The following RIMS2 variants were observed in gnomAD, a reference collection of about 807,000 sequenced individuals.
The protein encoded by RIMS2 is regulating synaptic membrane exocytosis protein 2.
In RIMS2, 59 loss-of-function variants were observed where a neutral mutation model predicts 174.4. That is an observed-to-expected ratio of 0.34 (90% CI 0.27 to 0.42). RIMS2 has a LOEUF of 0.42. Among genes scored for constraint, RIMS2 ranks in the 10% least tolerant of loss-of-function variants. The pLI, the probability that RIMS2 is intolerant of heterozygous loss-of-function variation, is 1.00. For missense variants in RIMS2, 1,620 were observed against 1,666.3 expected (o/e 0.97, Z 0.48); for synonymous variants, 606 against 572.5 (o/e 1.06, Z -0.84).
chr8:104,062,947 G>A (rs767350268), intron 19 of RIMS2, among the ~76,000 whole-genome samples: 1 of 151,636 alleles, frequency 6.6e-6, no homozygotes, highest in Non-Finnish European at 1.5e-5. Flanking sequence ...TTTTATATAA[G>A]TAATATACTT....
At chr8:103,986,533 T>C (rs984070743) in intron 16 of RIMS2, among the ~76,000 whole-genome samples, 2 of 152,126 alleles carry the variant, frequency 1.3e-5, no homozygotes, top group African/African-American at 4.8e-5. Context: ...AGAAAAAGAC[T>C]TTAAAAATAG....
intron 16 of RIMS2, among the ~76,000 whole-genome samples, chr8:103,986,663 G>A (rs2094381805): frequency 6.6e-6 from 1 of 152,020 alleles, no homozygotes; most frequent in East Asian, 1.9e-4. Context: ...ATAACAACTA[G>A]TGTTCATGAC....
intron 1 of RIMS2, among the ~76,000 whole-genome samples, chr8:103,587,440 G>GA (rs2094000729): frequency 1.6e-5 from 2 of 123,376 alleles, no homozygotes; most frequent in African/African-American, 3.0e-5. Flanking sequence ...AAGAAAGAAA[G>GA]AAAGAAAGAA....
intron 19 of RIMS2, among the ~76,000 whole-genome samples, chr8:104,239,592 T>C (rs1484639268): frequency 6.6e-6 from 1 of 152,196 alleles, no homozygotes; most frequent in African/African-American, 2.4e-5. Flanking sequence ...TTTTTAAATG[T>C]ACACTTTTTA....
At chr8:103,582,873 A>C (rs942408262) in intron 1 of RIMS2, among the ~76,000 whole-genome samples, 1 of 152,182 alleles carries the variant, frequency 6.6e-6, no homozygotes. Context: ...CCCTGCCCTG[A>C]AGAGGAGGAT....
intron 3 of RIMS2, among the ~76,000 whole-genome samples, chr8:103,794,197 AG>A (rs1262824162): frequency 6.6e-6 from 1 of 152,248 alleles, no homozygotes; most frequent in Non-Finnish European, 1.5e-5. Flanking sequence ...ACAAGGCTAT[AG>A]TAATCAAAAC....
intron 19 of RIMS2, 50 bp downstream of exon 23, chr8:104,068,662 CAGTT>C (rs1334370505): frequency 7.7e-6 from 7 of 911,342 alleles, no homozygotes; most frequent in Non-Finnish European, 1.2e-5. Flanking sequence ...TCATATGAAA[CAGTT>C]AGATTCTTTT....
intron 19 of RIMS2, among the ~76,000 whole-genome samples, chr8:104,021,364 A>C (rs777283737): frequency 2.0e-5 from 3 of 152,186 alleles, no homozygotes; most frequent in Non-Finnish European, 2.9e-5. Flanking sequence ...ACTTCTCAAC[A>C]TCTCAACATG....
At chr8:104,109,203 A>G (rs1247326593) in intron 19 of RIMS2, among the ~76,000 whole-genome samples, 3 of 150,038 alleles carry the variant, frequency 2.0e-5, no homozygotes, top group Middle Eastern at 3.4e-3. Context: ...AGGCCGAGGC[A>G]GGAGAATGGC....
At chr8:103,584,925 C>CA (rs35534729) in intron 1 of RIMS2, among the ~76,000 whole-genome samples, 142,445 of 152,172 alleles carry the variant, frequency 0.94, 66,782 homozygotes, top group East Asian at 1. Flanking sequence ...ACTTTCCAAT[C>CA]AAAGATATAA....
At chr8:104,028,588 T>G (rs552968782) in intron 19 of RIMS2, among the ~76,000 whole-genome samples, 1 of 152,300 alleles carries the variant, frequency 6.6e-6, no homozygotes, top group African/African-American at 2.4e-5. Flanking sequence ...ATTTGGAACT[T>G]CTGGAAAATC....
chr8:103,851,044 TG>T (rs1042507438), intron 3 of RIMS2, among the ~76,000 whole-genome samples: 7 of 152,026 alleles, frequency 4.6e-5, no homozygotes, highest in African/African-American at 1.7e-4. Flanking sequence ...GTTTTTGCAT[TG>T]TAAATTATTT....
chr8:103,635,275 T>G (rs1417890069), intron 1 of RIMS2, among the ~76,000 whole-genome samples: 1 of 152,236 alleles, frequency 6.6e-6, no homozygotes, highest in African/African-American at 2.4e-5. Flanking sequence ...AGGAAGTTTC[T>G]TAACATTTTC....
At chr8:103,839,475 C>T (rs888879299) in intron 3 of RIMS2, among the ~76,000 whole-genome samples, 3 of 152,006 alleles carry the variant, frequency 2.0e-5, no homozygotes, top group African/African-American at 7.3e-5. Context: ...AGGGCACAGC[C>T]CTTACTTCTA....
intron 1 of RIMS2, among the ~76,000 whole-genome samples, chr8:103,628,787 C>T (rs186859414): frequency 1.4e-5 from 2 of 147,046 alleles, no homozygotes; most frequent in East Asian, 2.0e-4. Context: ...CCAAGGAAAG[C>T]CTGCTGTCTC....
rs71575976 is a variant in RIMS2 at position 103,623,478 on chromosome 8, GT to G, written c.177-73584del. Among the ~76,000 whole-genome samples, 484 of 83,196 alleles carry G rather than the reference GT, an allele frequency of 5.8e-3. 1 individual carries two copies. Among genetic ancestry groups the G allele is most frequent in the Non-Finnish European group, 8.6e-3 (403 of 46,602 alleles). The allele number at this position is 83,196 out of a possible 152,430, so 54.6% of individuals were successfully genotyped here. A position where few individuals can be genotyped will look rare whatever the true frequency, so the allele number is the denominator to read the frequency against. Reference sequence around the variant, plus strand: ...TAAAAATTAAACTAGGGTTTCTTCAGTTTTTTTTTTTTTTTTTTTTTTTTGA... The same window carrying G: ...TAAAAATTAAACTAGGGTTTCTTCAGTTTTTTTTTTTTTTTTTTTTTTTGA... On this transcript the variant is annotated intron_variant, in intron 1 of 23. Transcript: ENST00000504942.
chr8:104,007,108 A>G (rs56356266), intron 17 of RIMS2, among the ~76,000 whole-genome samples: 19,461 of 152,150 alleles, frequency 0.13, 1,697 homozygotes, highest in Non-Finnish European at 0.19. Context: ...CTAAAGTGAG[A>G]GAGTTTGGAT....
chr8:104,026,915 G>A (rs997278636), intron 19 of RIMS2, among the ~76,000 whole-genome samples: 1 of 152,112 alleles, frequency 6.6e-6, no homozygotes, highest in Non-Finnish European at 1.5e-5. Context: ...GCTAGGAATG[G>A]ATTTTATGGT....
At chr8:103,913,193 T>A (rs2154527795) in intron 6 of RIMS2, among the ~76,000 whole-genome samples, 1 of 151,764 alleles carries the variant, frequency 6.6e-6, no homozygotes, top group Non-Finnish European at 1.5e-5. Flanking sequence ...TTGGCCAGGA[T>A]GATCTTGATC....
Sources: allele counts gnomAD v4.1 joint callset (sites outside exome capture counted in the v4.1 genomes callset), GRCh38; gene constraint gnomAD v4.1.1; transcripts MANE v1.5; gene names NCBI Gene and HGNC (gene_info 2026-07-23, HGNC 2026-07-21).